The following MSRA variants were observed in gnomAD, a reference collection of about 807,000 sequenced individuals.
MSRA encodes the protein methionine sulfoxide reductase A, also known as mitochondrial peptide methionine sulfoxide reductase.
MSRA carries 54 observed loss-of-function variants against 31.3 expected under a neutral mutation model. The ratio of observed to expected loss-of-function variants is 1.73; its 90% CI spans 1.39 to 2.17. The LOEUF (loss-of-function observed/expected upper bound fraction) is 2.17. Among genes scored for constraint, MSRA ranks in the 30% most tolerant of loss-of-function variants. MSRA has a pLI of 0.00. For synonymous variants in MSRA, 169 were observed against 116.5 expected (o/e 1.45, Z -2.90); for missense variants, 507 against 300.9 (o/e 1.69, Z -5.07).
chr8:10,220,325 A>T (rs1448300726), intron 2 of MSRA, among the ~76,000 whole-genome samples: 1 of 152,180 alleles, frequency 6.6e-6, no homozygotes, highest in Non-Finnish European at 1.5e-5. Context: ...GTCCCACCCT[A>T]TATCCTTCCA....
chr8:10,284,074 C>T (rs1162099696), intron 3 of MSRA, among the ~76,000 whole-genome samples: 1 of 151,846 alleles, frequency 6.6e-6, no homozygotes, highest in Non-Finnish European at 1.5e-5. Context: ...AAGGAATCTC[C>T]ACACTGTTTT....
intron 1 of MSRA, among the ~76,000 whole-genome samples, chr8:10,078,470 T>G (rs1216876108): frequency 6.6e-6 from 1 of 152,246 alleles, no homozygotes; most frequent in Non-Finnish European, 1.5e-5. Flanking sequence ...GACTGGCCAC[T>G]GGGACTCTGC....
chr8:10,187,157 C>T (rs1465271718), intron 1 of MSRA, among the ~76,000 whole-genome samples: 4 of 152,286 alleles, frequency 2.6e-5, no homozygotes, highest in Non-Finnish European at 1.5e-5. Context: ...GTGAGAACTT[C>T]GGGAAATGGT....
chr8:10,219,617 T>C (rs986179755), intron 2 of MSRA, among the ~76,000 whole-genome samples: 4 of 151,890 alleles, frequency 2.6e-5, no homozygotes, highest in African/African-American at 9.7e-5. Context: ...CCATCCTGGC[T>C]AACACGGTGA....
intron 5 of MSRA, among the ~76,000 whole-genome samples, chr8:10,357,136 T>G (rs1585571204): frequency 6.6e-6 from 1 of 152,342 alleles, no homozygotes; most frequent in Non-Finnish European, 1.5e-5. Flanking sequence ...ACCTACACCA[T>G]GTGGTTTTTG....
intron 2 of MSRA, among the ~76,000 whole-genome samples, chr8:10,212,799 A>G (rs11774276): frequency 0.27 from 40,965 of 152,084 alleles, 7,336 homozygotes; most frequent in Non-Finnish European, 0.41. Flanking sequence ...TTTGTTCTCA[A>G]TTACTGAGAA....
rs369479499 is a variant in MSRA, at chr8:10,231,105, A to C, written c.212-13999A>C. 3.3e-5 allele frequency among the ~76,000 whole-genome samples: 5 copies of C among 152,250 alleles called. No individual in the cohort carries two copies. The South Asian group carries it at 6.2e-4, about 19-fold the overall frequency. On this transcript the variant is annotated intron_variant, in intron 2 of 5. Transcript: ENST00000317173. ...CCAGCCTGTTCTGTAGTTTTAAAGA[A>C]GGAAGATGACAGGTTTGAAAGTGCA... is the stretch of plus-strand genomic sequence containing the variant.
At chr8:10,267,259 G>T (rs1798793870) in intron 3 of MSRA, among the ~76,000 whole-genome samples, 1 of 152,212 alleles carries the variant, frequency 6.6e-6, no homozygotes, top group Non-Finnish European at 1.5e-5. Flanking sequence ...ACAATGTGGA[G>T]CACGGGCTCT....
intron 3 of MSRA, among the ~76,000 whole-genome samples, chr8:10,252,996 G>A (rs887823912): frequency 1.3e-5 from 2 of 152,196 alleles, no homozygotes; most frequent in Admixed American, 1.3e-4. Flanking sequence ...TGAAACCAAA[G>A]AGACGTGCAC....
At chr8:10,060,979 C>A (rs934295180) in intron 1 of MSRA, among the ~76,000 whole-genome samples, 1 of 152,052 alleles carries the variant, frequency 6.6e-6, no homozygotes, top group Non-Finnish European at 1.5e-5. Context: ...AAAGTTTTCC[C>A]CAATGTGTGA....
chr8:10,092,923 G>A (rs1798929920), intron 1 of MSRA, among the ~76,000 whole-genome samples: 1 of 152,158 alleles, frequency 6.6e-6, no homozygotes, highest in Non-Finnish European at 1.5e-5. Context: ...AACCCTGTTA[G>A]CATTATAAAA....
intron 1 of MSRA, among the ~76,000 whole-genome samples, chr8:10,057,961 A>C (rs1196427558): frequency 6.6e-6 from 1 of 152,228 alleles, no homozygotes; most frequent in African/African-American, 2.4e-5. Flanking sequence ...TATTGGAAAC[A>C]TTGCTAATCT....
At chr8:10,174,747 G>A (rs1041232281) in intron 1 of MSRA, among the ~76,000 whole-genome samples, 3 of 152,152 alleles carry the variant, frequency 2.0e-5, no homozygotes, top group African/African-American at 7.2e-5. Context: ...CCGGCTCAGC[G>A]TGCTGCACTC....
intron 1 of MSRA, 96 bp from the exon 2 acceptor site, chr8:10,207,737 A>G: frequency 8.5e-7 from 1 of 1,178,000 alleles, no homozygotes; most frequent in Non-Finnish European, 1.2e-6. Context: ...TTTTTAACTC[A>G]AAGGAGAAAT....
intron 1 of MSRA, among the ~76,000 whole-genome samples, chr8:10,202,296 A>C (rs940907474): frequency 2.6e-5 from 4 of 152,222 alleles, no homozygotes; most frequent in Non-Finnish European, 5.9e-5. Context: ...GTTTCTAGGA[A>C]TAGAGCTGGG....
chr8:10,055,679 C>G (rs796413431), intron 1 of MSRA, among the ~76,000 whole-genome samples: 25 of 152,364 alleles, frequency 1.6e-4, no homozygotes, highest in African/African-American at 6.0e-4. Context: ...ACACATGGCT[C>G]AATGCCAGAG....
intron 1 of MSRA, among the ~76,000 whole-genome samples, chr8:10,187,010 A>T (rs994280612): frequency 6.6e-6 from 1 of 152,128 alleles, no homozygotes; most frequent in Non-Finnish European, 1.5e-5. Flanking sequence ...GTTTCTGTAC[A>T]ATTTCATGAA....
At chr8:10,376,479 C>T (rs1469073599) in intron 5 of MSRA, among the ~76,000 whole-genome samples, 1 of 152,224 alleles carries the variant, frequency 6.6e-6, no homozygotes, top group African/African-American at 2.4e-5. Flanking sequence ...TGGCACATTG[C>T]TGCTCTGCCT....
At chr8:10,401,574 C>G (rs564534501) in intron 5 of MSRA, among the ~76,000 whole-genome samples, 1 of 152,052 alleles carries the variant, frequency 6.6e-6, no homozygotes, top group East Asian at 1.9e-4. Context: ...ATATATCCAG[C>G]GGAATTGAAA....
Sources: gnomAD v4.1 joint callset for allele counts (sites outside exome capture counted in the v4.1 genomes callset) on GRCh38, gnomAD v4.1.1 for gene constraint, MANE v1.5 for transcripts, NCBI Gene and HGNC (gene_info 2026-07-23, HGNC 2026-07-21) for gene names.